The following HMGN2 variants were observed in gnomAD, a reference collection of about 807,000 sequenced individuals.
HMGN2 encodes the protein high mobility group nucleosomal binding domain 2.
A neutral mutation model predicts 16.9 loss-of-function variants in HMGN2; 2 were observed. The observed-to-expected ratio is 0.12, with a 90% confidence interval of 0.05 to 0.37. The LOEUF is 0.37. Among genes scored for constraint, HMGN2 ranks in the 10% least tolerant of loss-of-function variants. The pLI is 1.00. For missense variants in HMGN2, 90 were observed against 106.0 expected (o/e 0.85, Z 0.66); for synonymous variants, 31 against 34.9 (o/e 0.89, Z 0.39).
Position 26,472,634 on chromosome 1 carries a change from G to T in HMGN2, c.15+7G>T. On this transcript the variant is annotated splice_region_variant and intron_variant, in intron 1 of 5. Coordinates refer to ENST00000361427, the MANE Select transcript of HMGN2 (RefSeq NM_005517.4). ...CACCATGCCCAAGAGAAAGGTACGT[G>T]GCGCGAGGGCCCCAGGCGCCGGGCC... 1 of 1,531,370 alleles carries T rather than the reference G, an allele frequency of 6.5e-7. No individual in the cohort carries two copies. Among genetic ancestry groups the T allele is most frequent in the Non-Finnish European group, 8.7e-7 (1 of 1,145,706 alleles). 94.9% of individuals were successfully genotyped at this position (1,531,370 alleles called of 1,614,324 possible). A position where few individuals can be genotyped will look rare whatever the true frequency, so the allele number is the denominator to read the frequency against.
chr1:26,473,234 G>C, intron 1 of HMGN2: 1 of 531,162 alleles, frequency 1.9e-6, no homozygotes, highest in East Asian at 3.3e-5. Flanking sequence ...TGTTGCTCCT[G>C]CCTGTCGCGG....
At chr1:26,472,832 G>A (rs2075580841) in intron 1 of HMGN2, among the ~76,000 whole-genome samples, 1 of 151,026 alleles carries the variant, frequency 6.6e-6, no homozygotes, top group African/African-American at 2.4e-5. Context: ...TTGGAGGAGC[G>A]GCGGCCGCGG....
At chr1:26,473,195 G>C (rs2075586452) in intron 1 of HMGN2, 2 of 436,214 alleles carry the variant, frequency 4.6e-6, no homozygotes, top group African/African-American at 4.2e-5. Flanking sequence ...CTCCGCCTCC[G>C]GAGGGGGTTT....
In HMGN2 at chr1:26,476,568, C is replaced by T. The variant is rs528280794; in HGVS notation, c.*1420C>T. Among the ~76,000 whole-genome samples, 2 of 152,172 alleles carry T rather than the reference C, an allele frequency of 1.3e-5. No homozygotes were observed. Among genetic ancestry groups the T allele is most frequent in the Non-Finnish European group, 2.9e-5 (2 of 68,030 alleles). Reference sequence around the variant, plus strand: ...TAGAATATGGAACTGGTAACAAATTCATGTTTGCACCTTGAATTTGCTTTC... The same window carrying T: ...TAGAATATGGAACTGGTAACAAATTTATGTTTGCACCTTGAATTTGCTTTC... On this transcript the variant is annotated 3_prime_UTR_variant, in exon 6 of 6. Coordinates refer to ENST00000361427, the MANE Select transcript of HMGN2 (RefSeq NM_005517.4).
At position 26,472,531 on chromosome 1, in the gene HMGN2, C is replaced by G. The variant is rs540382166; in HGVS notation, c.-82C>G. The G allele has an allele frequency of 2.1e-5, 32 of 1,509,576 alleles. No homozygotes were observed. Among genetic ancestry groups the G allele is most frequent in the African/African-American group, 1.7e-4 (12 of 72,184 alleles). The allele number at this position is 1,509,576 out of a possible 1,614,324, so 93.5% of individuals were successfully genotyped here. ...GAGCAGTGTGAAGAAGAGGCGAGAACGACCCCCGGACCGACCAAAGCCCGC... is the reference window on the plus strand; with the variant it reads ...GAGCAGTGTGAAGAAGAGGCGAGAAGGACCCCCGGACCGACCAAAGCCCGC... On this transcript the variant is annotated 5_prime_UTR_variant, in exon 1 of 6. Coordinates refer to ENST00000361427, the MANE Select transcript of HMGN2 (RefSeq NM_005517.4).
At chr1:26,473,215 A>T (rs962008163) in intron 1 of HMGN2, 1 of 480,654 alleles carries the variant, frequency 2.1e-6, no homozygotes, top group Non-Finnish European at 3.7e-6. Context: ...TGTTTGCGCC[A>T]TCTGCAGCTG....
At chr1:26,475,073 G>C (rs1397877953) in intron 5 of HMGN2, 40 bp from the exon 6 acceptor site, 1 of 1,566,434 alleles carries the variant, frequency 6.4e-7, no homozygotes, top group Non-Finnish European at 8.8e-7. Flanking sequence ...AGATAGTTTT[G>C]AAATCTACGC....
At chr1:26,473,329 G>C (rs2075588293) in intron 1 of HMGN2, 154 bp from the exon 2 acceptor site, 4 of 617,758 alleles carry the variant, frequency 6.5e-6, no homozygotes, top group Non-Finnish European at 1.1e-5. Flanking sequence ...TCCTGCGCGC[G>C]CTTCGTTCTT....
chr1:26,475,806 C>T lies in HMGN2; in HGVS notation c.*658C>T, dbSNP rs894394558. ...CCCTGTTCAGAGCATCAGATGAAGA[C>T]TTCATTGGGTTTTATAGTGGCTTTC... On this transcript the variant is annotated 3_prime_UTR_variant, in exon 6 of 6. Transcript: ENST00000361427. The T allele has an allele frequency of 2.7e-5, 9 of 327,614 alleles. No homozygotes were observed. Among genetic ancestry groups the T allele is most frequent in the South Asian group, 1.4e-4 (6 of 43,376 alleles). The allele number at this position is 327,614 out of a possible 1,614,324, so 20.3% of individuals were successfully genotyped here.
rs919286125 is a variant in HMGN2 at position 26,476,597 on chromosome 1, G to C, written c.*1449G>C. 6.6e-6 allele frequency among the ~76,000 whole-genome samples: 1 copy of C among 152,220 alleles called. No homozygotes were observed. Among genetic ancestry groups the C allele is most frequent in the African/African-American group, 2.4e-5 (1 of 41,450 alleles). On this transcript the variant is annotated 3_prime_UTR_variant, in exon 6 of 6. Coordinates refer to ENST00000361427, the MANE Select transcript of HMGN2 (RefSeq NM_005517.4). ...TTTGCACCTTGAATTTGCTTTCACA[G>C]ACCTGGCTGTATTGTTGGACAGGAA...
At chr1:26,473,279 C>G in intron 1 of HMGN2, 1 of 582,332 alleles carries the variant, frequency 1.7e-6, no homozygotes, top group Non-Finnish European at 3.0e-6. Flanking sequence ...CGGCTGCGCT[C>G]CGGTCCAGCC....
rs2075574834 is a variant in HMGN2 at position 26,472,474 on chromosome 1, G to A, written c.-139G>A. 3.8e-6 allele frequency: 4 copies of A among 1,043,402 alleles called. No homozygotes were observed. Among genetic ancestry groups the A allele is most frequent in the Non-Finnish European group, 5.7e-6 (4 of 707,124 alleles). The allele number at this position is 1,043,402 out of a possible 1,614,324, so 64.6% of individuals were successfully genotyped here. Reference sequence around the variant, plus strand: ...TTCTAACCGGTCCGGGGCTCCCAGCGCTATAAAAACTTTATAAACCCCCCG... The same window carrying A: ...TTCTAACCGGTCCGGGGCTCCCAGCACTATAAAAACTTTATAAACCCCCCG... On this transcript the variant is annotated 5_prime_UTR_variant, in exon 1 of 6. Coordinates refer to ENST00000361427, the MANE Select transcript of HMGN2 (RefSeq NM_005517.4).
Position 26,472,550 on chromosome 1 carries a change from A to G in HMGN2, c.-63A>G. ...CGAGAACGACCCCCGGACCGACCAAAGCCCGCGCGCCGCTGCATCCCGCGT... is the reference window on the plus strand; with the variant it reads ...CGAGAACGACCCCCGGACCGACCAAGGCCCGCGCGCCGCTGCATCCCGCGT... On this transcript the variant is annotated 5_prime_UTR_variant, in exon 1 of 6. Transcript: ENST00000361427. The G allele has an allele frequency of 6.5e-7, 1 of 1,531,516 alleles. No individual in the cohort carries two copies. The highest frequency in any genetic ancestry group is 2.5e-5 in the East Asian group (1 of 40,756). 94.9% of individuals were successfully genotyped at this position (1,531,516 alleles called of 1,614,324 possible).
chr1:26,473,842 G>C, intron 3 of HMGN2, 110 bp downstream of exon 3: 2 of 1,146,962 alleles, frequency 1.7e-6, no homozygotes, highest in Non-Finnish European at 2.6e-6. Context: ...TTGAATCATT[G>C]CCTCTACTTG....
chr1:26,476,032 CAG>C lies in HMGN2; in HGVS notation c.*885_*886del, dbSNP rs1241787317. ...CCTGGTTTATCCAAGTCTCTTGGAACAGGGTACGTTCTGCTTTGAGGTACTCC... is the reference window on the plus strand; with the variant it reads ...CCTGGTTTATCCAAGTCTCTTGGAACGGTACGTTCTGCTTTGAGGTACTCC... On this transcript the variant is annotated 3_prime_UTR_variant, in exon 6 of 6. Coordinates refer to ENST00000361427, the MANE Select transcript of HMGN2 (RefSeq NM_005517.4). 3 of 278,610 alleles carry C rather than the reference CAG, an allele frequency of 1.1e-5. No homozygotes were observed. The highest frequency in any genetic ancestry group is 4.6e-5 in the African/African-American group (2 of 43,906). 17.3% of individuals were successfully genotyped at this position (278,610 alleles called of 1,614,324 possible). A position where few individuals can be genotyped will look rare whatever the true frequency, so the allele number is the denominator to read the frequency against.
At chr1:26,473,261 GC>G in intron 1 of HMGN2, 1 of 565,946 alleles carries the variant, frequency 1.8e-6, no homozygotes, top group Non-Finnish European at 3.1e-6. Context: ...GGGCTCCGCT[GC>G]CCTCCCCGGC....
chr1:26,473,957 C>A (rs1333946131), intron 3 of HMGN2, 128 bp from the exon 4 acceptor site: 1 of 850,174 alleles, frequency 1.2e-6, no homozygotes, highest in Non-Finnish European at 1.9e-6. Flanking sequence ...TAGAAGAAAG[C>A]CAACCACAAA....
rs1026616515 is a variant in HMGN2 at position 26,472,461 on chromosome 1, C to T, written c.-152C>T. The T allele has an allele frequency of 2.0e-5, 19 of 945,198 alleles. No individual in the cohort carries two copies. The highest frequency in any genetic ancestry group is 1.1e-4 in the East Asian group (4 of 36,192). 58.6% of individuals were successfully genotyped at this position (945,198 alleles called of 1,614,324 possible). On this transcript the variant is annotated 5_prime_UTR_variant, in exon 1 of 6. Coordinates refer to ENST00000361427, the MANE Select transcript of HMGN2 (RefSeq NM_005517.4). ...AGGTGAAATCCGGTTCTAACCGGTCCGGGGCTCCCAGCGCTATAAAAACTT... is the reference window on the plus strand; with the variant it reads ...AGGTGAAATCCGGTTCTAACCGGTCTGGGGCTCCCAGCGCTATAAAAACTT...
chr1:26,474,950 G>A (rs2075598491), intron 5 of HMGN2, 163 bp from the exon 6 acceptor site: 1 of 639,614 alleles, frequency 1.6e-6, no homozygotes, highest in South Asian at 1.9e-5. Context: ...GAGGAGAGGT[G>A]ACTTAGCAAA....
Sources: gnomAD v4.1 joint callset for allele counts (sites outside exome capture counted in the v4.1 genomes callset) on GRCh38, gnomAD v4.1.1 for gene constraint, MANE v1.5 for transcripts, NCBI Gene and HGNC (gene_info 2026-07-23, HGNC 2026-07-21) for gene names.